SMYD1: variants seen among roughly 807,000 people sequenced by gnomAD.
SMYD1 encodes histone-lysine N-methyltransferase SMYD1.
Under a neutral mutation model 54.0 loss-of-function variants are expected in SMYD1, and 49 were observed. The ratio of observed to expected loss-of-function variants is 0.91; its 90% CI spans 0.72 to 1.15. The LOEUF is 1.15. Ranked by LOEUF, SMYD1 falls within the 50% of genes most tolerant of loss-of-function variation. The pLI is 0.00. For synonymous variants in SMYD1, 269 were observed against 234.2 expected (o/e 1.15, Z -1.36); for missense variants, 653 against 639.6 (o/e 1.02, Z -0.23).
chr2:88,084,590 G>T (rs1674279161), intron 2 of SMYD1, 98 bp downstream of exon 2: 1 of 1,203,258 alleles, frequency 8.3e-7, no homozygotes, highest in African/African-American at 1.5e-5. Flanking sequence ...GCCAAGCTGA[G>T]TGCAAGTCAG....
At chr2:88,091,666 G>A (rs1291471561) in intron 4 of SMYD1, among the ~76,000 whole-genome samples, 1 of 152,186 alleles carries the variant, frequency 6.6e-6, no homozygotes, top group Non-Finnish European at 1.5e-5. Flanking sequence ...GGACAACACA[G>A]TGATACCCCC....
chr2:88,072,003 G>GAA (rs36012666), intron 1 of SMYD1, among the ~76,000 whole-genome samples: 1 of 147,672 alleles, frequency 6.8e-6, no homozygotes, highest in African/African-American at 2.5e-5. Context: ...TTAACATTTG[G>GAA]AAAAAAAAAA....
At position 88,087,908 on chromosome 2, in the gene SMYD1, C is replaced by T. The variant is rs1275384540; in HGVS notation, c.361C>T (p.Leu121Phe). The T allele has an allele frequency of 4.3e-6, 7 of 1,610,398 alleles. No homozygotes were observed. Among genetic ancestry groups the T allele is most frequent in the East Asian group, 2.2e-5 (1 of 44,866 alleles). Reference sequence around the variant, plus strand: ...GCGGGTGGAGAGAGAAGGCACCGGGCTCACGGAGGGCTGCCTGGTGTCCGT... The same window carrying T: ...GCGGGTGGAGAGAGAAGGCACCGGGTTCACGGAGGGCTGCCTGGTGTCCGT... ...MWRVEREGTG[L>F]TEGCLVSVDD... Residue 121 changes from leucine (L) to phenylalanine (F), a missense_variant, in exon 3 of 10, where the codon CTC becomes TTC. Leu to Phe is a conservative substitution (Grantham distance 22). Coordinates refer to ENST00000419482, the MANE Select transcript of SMYD1 (RefSeq NM_198274.4).
In SMYD1 at chr2:88,110,425, C is replaced by T. The variant is rs189208103; in HGVS notation, c.1386C>T (p.Arg462=). Residue 462 remains arginine (R), a synonymous_variant, in exon 10 of 10, where the codon CGC becomes CGT. Coordinates refer to ENST00000419482, the MANE Select transcript of SMYD1 (RefSeq NM_198274.4). ...ACGAATTCATGTACTACAAGATGCG[C>T]GAGGCTGCCCTGAACAACCAGCCCA... ...RQNEFMYYKM[R]EAALNNQPMQ... 1.1e-5 allele frequency: 17 copies of T among 1,610,828 alleles called. No homozygotes were observed. The highest frequency in any genetic ancestry group is 1.0e-4 in the Admixed American group (6 of 59,680).
At chr2:88,068,134 T>A in intron 1 of SMYD1, 133 bp downstream of exon 1, 2 of 1,258,922 alleles carry the variant, frequency 1.6e-6, no homozygotes, top group South Asian at 3.2e-5. Context: ...ATGGCACTTC[T>A]GAGAGCTAAT....
At chr2:88,068,711 G>A (rs1673885659) in intron 1 of SMYD1, among the ~76,000 whole-genome samples, 1 of 151,416 alleles carries the variant, frequency 6.6e-6, no homozygotes, top group Non-Finnish European at 1.5e-5. Context: ...TATCCTTGCA[G>A]GAACTTTAAA....
At chr2:88,086,436 C>A (rs1443677231) in intron 2 of SMYD1, among the ~76,000 whole-genome samples, 1 of 152,152 alleles carries the variant, frequency 6.6e-6, no homozygotes, top group Non-Finnish European at 1.5e-5. Flanking sequence ...TCATCACAGG[C>A]CACCTAATAG....
intron 5 of SMYD1, 105 bp from the exon 6 acceptor site, chr2:88,096,490 G>T (rs1674589855): frequency 1.4e-5 from 14 of 989,710 alleles, no homozygotes; most frequent in Non-Finnish European, 2.0e-5. Flanking sequence ...GAGTGTCAGT[G>T]AAAGTCATTG....
chr2:88,107,020 G>T (rs1212451704), intron 8 of SMYD1, among the ~76,000 whole-genome samples: 1 of 151,958 alleles, frequency 6.6e-6, no homozygotes, highest in African/African-American at 2.4e-5. Flanking sequence ...CTAACATGGT[G>T]AAACCCCGTC....
chr2:88,104,907 C>T (rs369145362), intron 7 of SMYD1, among the ~76,000 whole-genome samples: 17 of 152,226 alleles, frequency 1.1e-4, no homozygotes, highest in African/African-American at 4.1e-4. Flanking sequence ...TCTTTTTCCT[C>T]ACCAGGGCCA....
chr2:88,096,906 G>A (rs754316504), intron 6 of SMYD1, 122 bp downstream of exon 6: 93 of 975,662 alleles, frequency 9.5e-5, no homozygotes, highest in Non-Finnish European at 1.5e-5. Flanking sequence ...CTGTCACCCT[G>A]GGGAGGAGGC....
At chr2:88,085,032 G>A (rs905778045) in intron 2 of SMYD1, among the ~76,000 whole-genome samples, 2 of 152,010 alleles carry the variant, frequency 1.3e-5, no homozygotes, top group African/African-American at 4.8e-5. Context: ...TTACAACTGT[G>A]AGCCACCATG....
At chr2:88,086,564 C>A (rs1034412116) in intron 2 of SMYD1, among the ~76,000 whole-genome samples, 1 of 152,214 alleles carries the variant, frequency 6.6e-6, no homozygotes, top group Non-Finnish European at 1.5e-5. Flanking sequence ...GAGCCCCGCT[C>A]CGGCCAGGCC....
At chr2:88,084,999 C>G (rs1014188625) in intron 2 of SMYD1, among the ~76,000 whole-genome samples, 3 of 152,176 alleles carry the variant, frequency 2.0e-5, no homozygotes, top group Non-Finnish European at 2.9e-5. Context: ...ATCCACCCGT[C>G]TCGGCCTCCC....
In SMYD1 at chr2:88,110,547, G is replaced by A. The variant is rs752050855; in HGVS notation, c.*35G>A. 3.2e-5 allele frequency: 49 copies of A among 1,516,468 alleles called. No homozygotes were observed. Among genetic ancestry groups the A allele is most frequent in the Admixed American group, 1.7e-4 (8 of 47,674 alleles). The allele number at this position is 1,516,468 out of a possible 1,614,324, so 93.9% of individuals were successfully genotyped here. On this transcript the variant is annotated 3_prime_UTR_variant, in exon 10 of 10. Coordinates refer to ENST00000419482, the MANE Select transcript of SMYD1 (RefSeq NM_198274.4). The stretch of plus-strand genomic sequence containing the variant: ...AGTGGAGGAGGGGCGATGTGGCTGG[G>A]GAGCTAGGGAGAGACTCTGGAGGTG...
At chr2:88,068,086 G>A in intron 1 of SMYD1, 85 bp downstream of exon 1, 2 of 1,489,396 alleles carry the variant, frequency 1.3e-6, no homozygotes, top group South Asian at 1.3e-5. Context: ...AAATCATCAG[G>A]GGAAGGGATA....
chr2:88,101,386 TA>T (rs1231299466), intron 6 of SMYD1, among the ~76,000 whole-genome samples: 1 of 152,116 alleles, frequency 6.6e-6, no homozygotes, highest in African/African-American at 2.4e-5. Context: ...ATGATATAGA[TA>T]GTTTTATATT....
At chr2:88,107,408 G>C (rs1674903705) in intron 8 of SMYD1, among the ~76,000 whole-genome samples, 1 of 152,178 alleles carries the variant, frequency 6.6e-6, no homozygotes, top group South Asian at 2.1e-4. Flanking sequence ...TGCCAACCAG[G>C]TGAAAATACA....
rs943119674 is a variant in SMYD1 at position 88,088,062 on chromosome 2, A to C, written c.515A>C (p.His172Pro). 2.5e-6 allele frequency: 4 copies of C among 1,613,410 alleles called. No homozygotes were observed. In the African/African-American group the frequency reaches 4.0e-5, roughly 16 times the overall value. Residue 172 changes from histidine (H) to proline (P), a missense_variant, in exon 3 of 10, where the codon CAC (histidine) becomes CCC (proline). Physicochemically the swap from His to Pro is moderately conservative, Grantham distance 77 (BLOSUM62 -2). Coordinates refer to ENST00000419482, the MANE Select transcript of SMYD1 (RefSeq NM_198274.4). Reference protein sequence around the residue: ...SQQFSMQYISHIFGVINCNGF... With the variant: ...SQQFSMQYISPIFGVINCNGF... ...CAGTTCAGCATGCAGTACATCTCGC[A>C]CATCTTCGGAGTGGTAGGCCCCCTG...
Sources: allele counts gnomAD v4.1 joint callset (sites outside exome capture counted in the v4.1 genomes callset), GRCh38; gene constraint gnomAD v4.1.1; transcripts MANE v1.5; gene names NCBI Gene and HGNC (gene_info 2026-07-23, HGNC 2026-07-21).